The following ERC1 variants were observed in gnomAD, a reference collection of about 807,000 sequenced individuals.
ERC1 encodes RAB6 interacting protein 2.
Under a neutral mutation model 132.0 loss-of-function variants are expected in ERC1, and 56 were observed. The ratio of observed to expected loss-of-function variants is 0.42; its 90% CI spans 0.34 to 0.53. ERC1 has a LOEUF of 0.53. Ranked by LOEUF, ERC1 falls within the 20% of genes least tolerant of loss-of-function variation. The pLI is 0.03. For synonymous variants in ERC1, 478 were observed against 476.1 expected (o/e 1.00, Z -0.05); for missense variants, 1,202 against 1,349.9 (o/e 0.89, Z 1.72).
chr12:1,235,598 G>C (rs2075359874), intron 12 of ERC1, among the ~76,000 whole-genome samples: 1 of 152,118 alleles, frequency 6.6e-6, no homozygotes, highest in South Asian at 2.1e-4. Context: ...ATTCAGCCTA[G>C]GTGGTTAGAA....
chr12:1,467,492 C>G (rs771868761), intron 18 of ERC1, among the ~76,000 whole-genome samples: 2 of 152,144 alleles, frequency 1.3e-5, no homozygotes, highest in African/African-American at 2.4e-5. Flanking sequence ...GATTGAGCAT[C>G]TTTATTCTTA....
At chr12:1,187,042 G>T (rs1002872440) in intron 11 of ERC1, among the ~76,000 whole-genome samples, 2 of 152,182 alleles carry the variant, frequency 1.3e-5, no homozygotes, top group Non-Finnish European at 2.9e-5. Flanking sequence ...TGTTGGCCAG[G>T]CTGGTCTTAA....
At chr12:1,434,586 G>A (rs1354047982) in intron 17 of ERC1, among the ~76,000 whole-genome samples, 1 of 152,166 alleles carries the variant, frequency 6.6e-6, no homozygotes, top group East Asian at 1.9e-4. Flanking sequence ...CCACTTCCCA[G>A]TGGGGCTGCC....
intron 2 of ERC1, among the ~76,000 whole-genome samples, chr12:1,053,379 C>T (rs1423501762): frequency 6.6e-6 from 1 of 152,162 alleles, no homozygotes; most frequent in African/African-American, 2.4e-5. Context: ...TCACCCCACC[C>T]CAGCCAGGTT....
chr12:1,258,456 T>G (rs1352679869), intron 13 of ERC1, among the ~76,000 whole-genome samples: 1 of 152,194 alleles, frequency 6.6e-6, no homozygotes, highest in African/African-American at 2.4e-5. Context: ...GGAAGCACTT[T>G]CCAGGGGTTT....
At chr12:1,283,654 G>A (rs762582985) in intron 14 of ERC1, among the ~76,000 whole-genome samples, 2 of 152,196 alleles carry the variant, frequency 1.3e-5, no homozygotes, top group Non-Finnish European at 2.9e-5. Flanking sequence ...TTGGATATAT[G>A]TATAATCTGA....
Position 1,094,689 on chromosome 12 carries a change from C to T in ERC1, c.1087-10061C>T, listed in dbSNP as rs538672923. On this transcript the variant is annotated intron_variant, in intron 3 of 18. Transcript: ENST00000360905. ...GCTTCCCAAATGCTAGGATTACGGA[C>T]GTGAGCCACCGTGCCTGGCCCTTCC... 9.9e-5 allele frequency among the ~76,000 whole-genome samples: 15 copies of T among 152,254 alleles called. 1 individual carries two copies. The South Asian group carries it at 2.5e-3, about 25-fold the overall frequency.
At chr12:1,181,118 G>A (rs1274597363) in intron 9 of ERC1, among the ~76,000 whole-genome samples, 1 of 152,060 alleles carries the variant, frequency 6.6e-6, no homozygotes, top group Non-Finnish European at 1.5e-5. Flanking sequence ...TGGCCAAATT[G>A]CTCTGATTTT....
chr12:1,019,251 G>A (rs1343790996), intron 1 of ERC1, among the ~76,000 whole-genome samples: 2 of 152,188 alleles, frequency 1.3e-5, no homozygotes, highest in Non-Finnish European at 2.9e-5. Flanking sequence ...AGCCTCCCAA[G>A]TAGTTGGGAT....
intron 2 of ERC1, among the ~76,000 whole-genome samples, chr12:1,055,594 G>A (rs1972797768): frequency 6.6e-6 from 1 of 152,148 alleles, no homozygotes; most frequent in South Asian, 2.1e-4. Context: ...GTTTGGAATA[G>A]GAAGATGCTC....
At chr12:1,323,283 T>C in intron 15 of ERC1, among the ~76,000 whole-genome samples, 1 of 152,134 alleles carries the variant, frequency 6.6e-6, no homozygotes, top group Non-Finnish European at 1.5e-5. Flanking sequence ...CAACCAAAAG[T>C]ATTGTGTTAT....
chr12:1,229,186 T>G (rs927525387), intron 12 of ERC1, among the ~76,000 whole-genome samples: 2 of 152,234 alleles, frequency 1.3e-5, no homozygotes, highest in African/African-American at 2.4e-5. Context: ...TTTAGTCTTC[T>G]TTCTTGTTAT....
At chr12:994,753 C>T (rs763333821) in intron 1 of ERC1, among the ~76,000 whole-genome samples, 7 of 151,976 alleles carry the variant, frequency 4.6e-5, no homozygotes, top group Non-Finnish European at 7.4e-5. Flanking sequence ...TTTGGGAGGC[C>T]GAGGTGGGAG....
chr12:1,295,727 G>A (rs1051073964), intron 15 of ERC1, among the ~76,000 whole-genome samples: 3 of 151,888 alleles, frequency 2.0e-5, no homozygotes, highest in African/African-American at 4.8e-5. Context: ...GAGTCTCACC[G>A]AGATAGAGAA....
At chr12:1,180,926 C>T (rs1418251940) in intron 9 of ERC1, among the ~76,000 whole-genome samples, 1 of 152,004 alleles carries the variant, frequency 6.6e-6, no homozygotes, top group Non-Finnish European at 1.5e-5. Flanking sequence ...ATTCTCCTGC[C>T]TCAGCCTCCC....
intron 15 of ERC1, among the ~76,000 whole-genome samples, chr12:1,346,942 C>T (rs1397500282): frequency 5.6e-5 from 3 of 53,986 alleles, no homozygotes; most frequent in Non-Finnish European, 1.2e-4. Context: ...GAGCGAGACT[C>T]CGTCTCAAAA....
chr12:1,007,460 T>TTCTCTCTCTC (rs72040785), intron 1 of ERC1, among the ~76,000 whole-genome samples: 38 of 134,956 alleles, frequency 2.8e-4, no homozygotes, highest in African/African-American at 9.9e-4. Flanking sequence ...GGGTAATTCA[T>TTCTCTCTCTC]TCTCTCTCTC....
chr12:1,440,600 T>TTTTG (rs2093112096), intron 17 of ERC1, among the ~76,000 whole-genome samples: 3 of 51,114 alleles, frequency 5.9e-5, no homozygotes, highest in Non-Finnish European at 1.1e-4. Flanking sequence ...CCTCAGCCTT[T>TTTTG]TGTGTGTGTG....
chr12:1,226,780 A>G (rs922668057), intron 12 of ERC1, among the ~76,000 whole-genome samples: 2 of 152,086 alleles, frequency 1.3e-5, no homozygotes, highest in African/African-American at 4.8e-5. Flanking sequence ...GAGCTCAAGC[A>G]ATTTTTCTGC....
Sources: gnomAD v4.1 joint callset for allele counts (sites outside exome capture counted in the v4.1 genomes callset) on GRCh38, gnomAD v4.1.1 for gene constraint, MANE v1.5 for transcripts, NCBI Gene and HGNC (gene_info 2026-07-23, HGNC 2026-07-21) for gene names.